MIER1: variants seen among roughly 807,000 people sequenced by gnomAD.
The protein encoded by MIER1 is mesoderm induction early response protein 1.
In MIER1, 40 loss-of-function variants were observed where a neutral mutation model predicts 75.7. The ratio of observed to expected loss-of-function variants is 0.53; its 90% CI spans 0.41 to 0.69. The LOEUF is 0.69. Among genes scored for constraint, MIER1 ranks in the 30% least tolerant of loss-of-function variants. MIER1 has a pLI of 0.00. For synonymous variants in MIER1, 213 were observed against 223.4 expected (o/e 0.95, Z 0.42); for missense variants, 574 against 680.2 (o/e 0.84, Z 1.74).
chr1:66,971,103 T>C (rs1002244208), intron 9 of MIER1, 144 bp downstream of exon 9: 6 of 727,976 alleles, frequency 8.2e-6, no homozygotes, highest in African/African-American at 1.9e-5. Context: ...CTGTAAGATA[T>C]CCGTTGTTAC....
At chr1:66,963,588 A>G (rs1464555279) in intron 8 of MIER1, among the ~76,000 whole-genome samples, 2 of 152,222 alleles carry the variant, frequency 1.3e-5, no homozygotes, top group Non-Finnish European at 1.5e-5. Flanking sequence ...TGAAACTTTC[A>G]CTAAGCAAAA....
chr1:66,970,669 C>A, intron 8 of MIER1, 139 bp from the exon 9 acceptor site: 2 of 535,244 alleles, frequency 3.7e-6, no homozygotes, highest in South Asian at 4.0e-5. Context: ...TGCCCAAGAA[C>A]GAAGTCAGGC....
intron 12 of MIER1, among the ~76,000 whole-genome samples, chr1:66,980,748 A>G (rs1665718409): frequency 6.6e-6 from 1 of 152,084 alleles, no homozygotes; most frequent in Admixed American, 6.6e-5. Flanking sequence ...TGGTGCAGGT[A>G]TAAACAAAGT....
intron 8 of MIER1, among the ~76,000 whole-genome samples, chr1:66,964,172 A>T (rs1661850206): frequency 6.7e-6 from 1 of 150,362 alleles, no homozygotes; most frequent in African/African-American, 2.4e-5. Flanking sequence ...CCTGGGTTCA[A>T]GTGATTCTCC....
chr1:66,926,228 A>G lies in MIER1; in HGVS notation c.154A>G (p.Thr52Ala). ...TNWLRFNADK[T>A]DVMLPSVESS... ...CTGGTTGAGGTTCAATGCAGACAAG[A>G]CGGATGTGATGCTGGTAGGCAGGGG... Residue 52 changes from threonine to alanine, a missense_variant, in exon 2 of 14, where the codon ACG becomes GCG. This residue lies in a region of MIER1 where 309 missense variants were observed against 352.8 expected (regional missense o/e 0.88). Coordinates refer to ENST00000401041, the MANE Select transcript of MIER1 (RefSeq NM_001077700.3). The G allele has an allele frequency of 1.2e-6, 2 of 1,613,330 alleles. No individual in the cohort carries two copies. Among genetic ancestry groups the G allele is most frequent in the Non-Finnish European group, 1.7e-6 (2 of 1,179,328 alleles).
intron 4 of MIER1, chr1:66,947,753 C>T (rs1657999203): frequency 5.8e-6 from 1 of 172,302 alleles, no homozygotes; most frequent in South Asian, 1.9e-4. Flanking sequence ...AACTCCTCAA[C>T]CAGGCCAGCA....
At chr1:66,977,024 G>A (rs1157653288) in intron 12 of MIER1, among the ~76,000 whole-genome samples, 1 of 152,048 alleles carries the variant, frequency 6.6e-6, no homozygotes, top group East Asian at 1.9e-4. Flanking sequence ...TTAATACACT[G>A]TTGAGAAGAA....
chr1:66,973,356 A>G (rs1263388352), intron 11 of MIER1, among the ~76,000 whole-genome samples: 2 of 152,138 alleles, frequency 1.3e-5, no homozygotes, highest in Non-Finnish European at 1.5e-5. Flanking sequence ...AGCACTTTCA[A>G]TATGACATTA....
At chr1:66,981,133 G>T (rs1465437325) in intron 12 of MIER1, among the ~76,000 whole-genome samples, 1 of 152,164 alleles carries the variant, frequency 6.6e-6, no homozygotes, top group Non-Finnish European at 1.5e-5. Context: ...CACTAAACCT[G>T]AGAGAGACAA....
intron 4 of MIER1, among the ~76,000 whole-genome samples, chr1:66,955,237 C>T (rs923143025): frequency 2.0e-5 from 3 of 151,692 alleles, no homozygotes; most frequent in African/African-American, 7.3e-5. Flanking sequence ...GCTTTATTAC[C>T]TCCCATTGGA....
intron 3 of MIER1, among the ~76,000 whole-genome samples, chr1:66,945,772 T>C (rs981076482): frequency 6.6e-6 from 1 of 151,944 alleles, no homozygotes; most frequent in African/African-American, 2.4e-5. Context: ...GGTAGAAGGA[T>C]CGCTTGGCCC....
intron 6 of MIER1, 63 bp downstream of exon 6, chr1:66,959,046 T>C: frequency 7.2e-7 from 1 of 1,391,306 alleles, no homozygotes; most frequent in Non-Finnish European, 1.0e-6. Flanking sequence ...TTACCTAAAA[T>C]CCTCTTTTTT....
At chr1:66,976,082 C>A (rs906183636) in intron 11 of MIER1, among the ~76,000 whole-genome samples, 1 of 152,064 alleles carries the variant, frequency 6.6e-6, no homozygotes, top group African/African-American at 2.4e-5. Context: ...CTGCCCCCAC[C>A]CCCACCCCCT....
Position 66,974,572 on chromosome 1 carries a change from T to C in MIER1, c.1101+1581T>C, listed in dbSNP as rs541594245. 9.9e-5 allele frequency among the ~76,000 whole-genome samples: 15 copies of C among 152,190 alleles called. No homozygotes were observed. In the South Asian group the frequency reaches 3.1e-3, roughly 32 times the overall value. Reference sequence around the variant, plus strand: ...GCAGCAGCAACAACCCTGACCAATATGATTTTTTTAAAGGAGTTAAGAAAT... The same window carrying C: ...GCAGCAGCAACAACCCTGACCAATACGATTTTTTTAAAGGAGTTAAGAAAT... On this transcript the variant is annotated intron_variant, in intron 11 of 13. Transcript: ENST00000401041.
At chr1:66,979,576 T>C (rs564171860) in intron 12 of MIER1, among the ~76,000 whole-genome samples, 18 of 152,308 alleles carry the variant, frequency 1.2e-4, no homozygotes, top group African/African-American at 4.3e-4. Context: ...CAGCATAACT[T>C]TGATTACCTG....
intron 4 of MIER1, chr1:66,947,255 A>G (rs1487400529): frequency 6.6e-6 from 1 of 152,544 alleles, no homozygotes; most frequent in Non-Finnish European, 1.5e-5. Flanking sequence ...AGTATTCTTT[A>G]GTTTATATTT....
chr1:66,945,760 G>A (rs1024952045), intron 3 of MIER1, among the ~76,000 whole-genome samples: 3 of 152,138 alleles, frequency 2.0e-5, no homozygotes, highest in African/African-American at 7.2e-5. Flanking sequence ...TTTGGAGGCT[G>A]AGGTAGAAGG....
intron 2 of MIER1, among the ~76,000 whole-genome samples, chr1:66,931,718 A>G (rs192910881): frequency 1.2e-4 from 19 of 152,250 alleles, no homozygotes; most frequent in Admixed American, 1.0e-3. Flanking sequence ...TTTCCCCAAA[A>G]TGTGACTGCG....
intron 3 of MIER1, among the ~76,000 whole-genome samples, chr1:66,944,430 C>A (rs889624674): frequency 1.3e-5 from 2 of 149,390 alleles, no homozygotes; most frequent in Non-Finnish European, 3.0e-5. Flanking sequence ...GTAAAATATC[C>A]CCAAGTTTTA....
Sources: gnomAD v4.1 joint callset for allele counts (sites outside exome capture counted in the v4.1 genomes callset) on GRCh38, gnomAD v4.1.1 for gene constraint, gnomAD v4.1.1 regional missense constraint, MANE v1.5 for transcripts, NCBI Gene and HGNC (gene_info 2026-07-23, HGNC 2026-07-21) for gene names.